Variants in RBFOX1 observed in about 807,000 individuals in gnomAD.
RBFOX1 encodes RNA binding fox-1 homolog 1.
In RBFOX1, 8 loss-of-function variants were observed where a neutral mutation model predicts 57.7. That is an observed-to-expected ratio of 0.14 (90% CI 0.08 to 0.25). RBFOX1 has a LOEUF of 0.25. Among genes scored for constraint, RBFOX1 ranks in the 10% least tolerant of loss-of-function variants. The pLI is 1.00. For synonymous variants in RBFOX1, 326 were observed against 222.4 expected (o/e 1.47, Z -4.15); for missense variants, 611 against 548.5 (o/e 1.11, Z -1.14).
chr16:7,438,261 A>C (rs2098738408), intron 4 of RBFOX1, among the ~76,000 whole-genome samples: 1 of 152,128 alleles, frequency 6.6e-6, no homozygotes. Context: ...CTGATGCGAG[A>C]AACACCTTAT....
chr16:5,888,860 C>G (rs12325596), intron 4 of RBFOX1, among the ~76,000 whole-genome samples: 2 of 142,708 alleles, frequency 1.4e-5, no homozygotes, highest in East Asian at 4.1e-4. Context: ...AAGGAATAAA[C>G]AATAGCATGT....
intron 2 of RBFOX1, among the ~76,000 whole-genome samples, chr16:6,397,344 T>C (rs943045883): frequency 1.3e-5 from 2 of 152,180 alleles, no homozygotes; most frequent in Non-Finnish European, 2.9e-5. Context: ...TCCGTGATGG[T>C]CAGCTTCTCA....
intron 3 of RBFOX1, among the ~76,000 whole-genome samples, chr16:6,834,709 T>C (rs1373377796): frequency 2.6e-5 from 4 of 152,270 alleles, no homozygotes; most frequent in East Asian, 1.9e-4. Context: ...CTAAGTGATA[T>C]CTGGAGTTAA....
At chr16:6,504,468 G>A (rs2096033780) in intron 2 of RBFOX1, among the ~76,000 whole-genome samples, 1 of 152,176 alleles carries the variant, frequency 6.6e-6, no homozygotes, top group Non-Finnish European at 1.5e-5. Context: ...AGTATAGAGT[G>A]AGAAAATTTG....
chr16:7,668,079 C>G (rs1009545882), intron 13 of RBFOX1, among the ~76,000 whole-genome samples: 2 of 152,166 alleles, frequency 1.3e-5, no homozygotes, highest in Non-Finnish European at 2.9e-5. Context: ...TCAAAATGTT[C>G]TCCATCCTGG....
chr16:7,488,409 A>G (rs774036020), intron 4 of RBFOX1, among the ~76,000 whole-genome samples: 4 of 149,282 alleles, frequency 2.7e-5, no homozygotes, highest in African/African-American at 4.9e-5. Flanking sequence ...ATATCTATCT[A>G]CTGTCTGCCT....
At chr16:5,497,371 A>G (rs1270239186) in intron 2 of RBFOX1, among the ~76,000 whole-genome samples, 1 of 151,072 alleles carries the variant, frequency 6.6e-6, no homozygotes, top group Non-Finnish European at 1.5e-5. Context: ...CTCACACAAC[A>G]GATGCATCTT....
intron 3 of RBFOX1, among the ~76,000 whole-genome samples, chr16:5,733,296 A>T (rs1190837052): frequency 6.6e-6 from 1 of 152,106 alleles, no homozygotes; most frequent in Non-Finnish European, 1.5e-5. Context: ...TTCCACAAAG[A>T]CCTCGTAAAC....
intron 3 of RBFOX1, among the ~76,000 whole-genome samples, chr16:5,776,031 C>T (rs956638527): frequency 6.7e-5 from 10 of 148,716 alleles, no homozygotes; most frequent in African/African-American, 2.5e-4. Context: ...TTCAAGAGCC[C>T]AATGAATCTT....
chr16:5,605,173 G>A (rs1322552048), intron 3 of RBFOX1, among the ~76,000 whole-genome samples: 1 of 152,176 alleles, frequency 6.6e-6, no homozygotes, highest in Non-Finnish European at 1.5e-5. Context: ...CCTCCAAGGT[G>A]CAGCAGAATG....
intron 3 of RBFOX1, among the ~76,000 whole-genome samples, chr16:6,668,055 A>G (rs978621156): frequency 3.3e-5 from 5 of 152,196 alleles, no homozygotes; most frequent in African/African-American, 1.2e-4. Flanking sequence ...GTAAATTACA[A>G]AGCTTAAACT....
At chr16:6,756,531 C>A (rs1024930049) in intron 3 of RBFOX1, among the ~76,000 whole-genome samples, 2 of 152,104 alleles carry the variant, frequency 1.3e-5, no homozygotes, top group Admixed American at 1.3e-4. Context: ...AAGAGAGGAT[C>A]TGTAGAATGG....
chr16:5,390,780 G>A (rs1271704562), intron 1 of RBFOX1, among the ~76,000 whole-genome samples: 1 of 152,144 alleles, frequency 6.6e-6, no homozygotes, highest in Non-Finnish European at 1.5e-5. Flanking sequence ...GAATGGGCCT[G>A]TGGCTCAAAG....
intron 4 of RBFOX1, among the ~76,000 whole-genome samples, chr16:5,873,461 C>T (rs977495002): frequency 1.6e-4 from 24 of 152,288 alleles, no homozygotes; most frequent in African/African-American, 5.8e-4. Context: ...GAAGCCAGCA[C>T]CAAAGAATAT....
At chr16:6,009,816 C>CTGTGTGTGTGTGTCTGTGTGTGTG (rs2094950378) in intron 4 of RBFOX1, among the ~76,000 whole-genome samples, 1 of 148,418 alleles carries the variant, frequency 6.7e-6, no homozygotes, top group African/African-American at 2.5e-5. Context: ...GTGTGTGTGT[C>CTGTGTGTGTGTGTCTGTGTGTGTG]TGTGTGTGTG....
intron 3 of RBFOX1, among the ~76,000 whole-genome samples, chr16:5,825,780 T>C (rs575513621): frequency 8.6e-4 from 127 of 146,954 alleles, no homozygotes; most frequent in African/African-American, 3.0e-3. Context: ...TTCCTTAATA[T>C]GAATAAGGAA....
At chr16:7,618,581 G>C (rs567710373) in intron 10 of RBFOX1, among the ~76,000 whole-genome samples, 6 of 152,030 alleles carry the variant, frequency 3.9e-5, no homozygotes, top group Admixed American at 3.3e-4. Flanking sequence ...AAACTCTTTA[G>C]TTTGAAAGAC....
At chr16:5,956,996 G>A (rs758327291) in intron 4 of RBFOX1, among the ~76,000 whole-genome samples, 11 of 152,020 alleles carry the variant, frequency 7.2e-5, no homozygotes, top group Non-Finnish European at 1.5e-4. Flanking sequence ...TGAGTTTTAA[G>A]TAGGCTGAAA....
intron 3 of RBFOX1, among the ~76,000 whole-genome samples, chr16:6,879,546 C>T (rs2062499652): frequency 6.6e-6 from 1 of 152,194 alleles, no homozygotes; most frequent in South Asian, 2.1e-4. Flanking sequence ...AGATTATTCA[C>T]TATACAGGTA....
Sources: gnomAD v4.1 joint callset for allele counts (sites outside exome capture counted in the v4.1 genomes callset) on GRCh38, gnomAD v4.1.1 for gene constraint, MANE v1.5 for transcripts, NCBI Gene and HGNC (gene_info 2026-07-23, HGNC 2026-07-21) for gene names.